The following SLC44A5 variants were observed in gnomAD, a reference collection of about 807,000 sequenced individuals.
SLC44A5 encodes solute carrier family 44 member 5, also known as choline transporter-like protein 5.
Under a neutral mutation model 101.8 loss-of-function variants are expected in SLC44A5, and 57 were observed. The observed-to-expected ratio is 0.56, with a 90% CI of 0.45 to 0.70. The LOEUF is 0.70. SLC44A5 is among the 30% of genes least tolerant of loss of function. The pLI is 0.00. For missense variants in SLC44A5, 737 were observed against 853.1 expected (o/e 0.86, Z 1.70); for synonymous variants, 281 against 290.9 (o/e 0.97, Z 0.35).
At chr1:75,262,742 C>T (rs1650637207) in intron 6 of SLC44A5, among the ~76,000 whole-genome samples, 1 of 152,108 alleles carries the variant, frequency 6.6e-6, no homozygotes, top group Non-Finnish European at 1.5e-5. Flanking sequence ...TACTACAAGG[C>T]TACAGTAATA....
chr1:75,328,863 G>C (rs1656809478), intron 4 of SLC44A5, among the ~76,000 whole-genome samples: 1 of 152,102 alleles, frequency 6.6e-6, no homozygotes, highest in South Asian at 2.1e-4. Flanking sequence ...GCATGAAAAA[G>C]CTCCACCCTG....
At chr1:75,552,785 G>A (rs531756006) in intron 1 of SLC44A5, among the ~76,000 whole-genome samples, 1 of 152,132 alleles carries the variant, frequency 6.6e-6, no homozygotes, top group African/African-American at 2.4e-5. Context: ...CAGTACCTAA[G>A]AGAAGCTCTT....
At chr1:75,593,081 C>T (rs1478990820) in intron 1 of SLC44A5, among the ~76,000 whole-genome samples, 1 of 152,034 alleles carries the variant, frequency 6.6e-6, no homozygotes, top group Non-Finnish European at 1.5e-5. Flanking sequence ...AAAATATTTG[C>T]AAGCTACCCC....
intron 13 of SLC44A5, among the ~76,000 whole-genome samples, chr1:75,223,983 T>C (rs753414326): frequency 1.3e-5 from 2 of 152,216 alleles, no homozygotes; most frequent in Non-Finnish European, 1.5e-5. Context: ...AAACCCTCTA[T>C]ATCTAACTTC....
intron 3 of SLC44A5, among the ~76,000 whole-genome samples, chr1:75,374,572 C>T (rs754290424): frequency 1.3e-5 from 2 of 152,150 alleles, no homozygotes; most frequent in Non-Finnish European, 2.9e-5. Context: ...CATTCCCCTC[C>T]CCAGGGCACC....
the SLC44A5 span, among the ~76,000 whole-genome samples, chr1:75,717,977 A>G: frequency 6.6e-6 from 1 of 152,220 alleles, no homozygotes; most frequent in Admixed American, 6.5e-5. Context: ...TGGGAACACA[A>G]AGTGTTTTTC....
chr1:75,280,460 TATATATAATATATAA>T (rs1652430182), intron 5 of SLC44A5, among the ~76,000 whole-genome samples: 1 of 112,772 alleles, frequency 8.9e-6, no homozygotes, highest in Non-Finnish European at 1.7e-5. Flanking sequence ...TTATATATAG[TATATATAATATATAA>T]TTGTATATAT....
In SLC44A5 at chr1:75,311,186, G is replaced by A. The variant is rs149737777; in HGVS notation, c.102-10501C>T. 5.0e-3 allele frequency among the ~76,000 whole-genome samples: 760 copies of A among 151,252 alleles called. 5 individuals are homozygous for A. The highest frequency in any genetic ancestry group is 0.018 in the African/African-American group (725 of 41,170). ...AGTTGGAGTGCATTGGCACGATCTC[G>A]GCTCACTGCAACCTCCGTTTCCCAG... is the stretch of plus-strand genomic sequence containing the variant. On this transcript the variant is annotated intron_variant, in intron 4 of 23. Coordinates refer to ENST00000370859, the MANE Select transcript of SLC44A5 (RefSeq NM_001130058.2).
chr1:75,457,197 G>A (rs1393963379), intron 2 of SLC44A5, among the ~76,000 whole-genome samples: 1 of 152,120 alleles, frequency 6.6e-6, no homozygotes, highest in African/African-American at 2.4e-5. Flanking sequence ...TAATAAAAAT[G>A]TTTCTTTTAA....
At chr1:75,253,164 T>G (rs534269983) in intron 6 of SLC44A5, among the ~76,000 whole-genome samples, 2 of 152,314 alleles carry the variant, frequency 1.3e-5, no homozygotes, top group African/African-American at 4.8e-5. Context: ...ATCATCCCTT[T>G]TCTTCTCTTT....
At chr1:75,345,858 G>C (rs1658215240) in intron 3 of SLC44A5, among the ~76,000 whole-genome samples, 1 of 152,132 alleles carries the variant, frequency 6.6e-6, no homozygotes, top group Non-Finnish European at 1.5e-5. Context: ...TGATGCAGAG[G>C]AAATAAGAAA....
At chr1:75,669,003 CAAA>C in the SLC44A5 span, among the ~76,000 whole-genome samples, 240 of 151,384 alleles carry the variant, frequency 1.6e-3, 16 homozygotes, top group African/African-American at 5.7e-3. Flanking sequence ...AAGACTCCAA[CAAA>C]AGAAGAAGTG....
intron 6 of SLC44A5, among the ~76,000 whole-genome samples, chr1:75,260,994 A>G (rs1168451670): frequency 7.9e-5 from 12 of 152,264 alleles, no homozygotes; most frequent in Non-Finnish European, 1.6e-4. Flanking sequence ...AAGACACACC[A>G]TACCAGAATC....
chr1:75,653,877 T>G, the SLC44A5 span, among the ~76,000 whole-genome samples: 2 of 152,190 alleles, frequency 1.3e-5, no homozygotes, highest in Admixed American at 6.5e-5. Context: ...CAGGACAGAT[T>G]GGAACAAATG....
At chr1:75,679,627 A>G in the SLC44A5 span, among the ~76,000 whole-genome samples, 1 of 152,160 alleles carries the variant, frequency 6.6e-6, no homozygotes. Context: ...AAACATGGAA[A>G]GGAACAACTG....
chr1:75,369,179 AT>A (rs887315452), intron 3 of SLC44A5, among the ~76,000 whole-genome samples: 136 of 146,636 alleles, frequency 9.3e-4, no homozygotes, highest in African/African-American at 2.1e-3. Flanking sequence ...ACACTTGGCT[AT>A]TTTTTTTTTT....
intron 2 of SLC44A5, among the ~76,000 whole-genome samples, chr1:75,518,471 T>G (rs2101889161): frequency 1.3e-5 from 2 of 152,288 alleles, no homozygotes; most frequent in South Asian, 4.1e-4. Context: ...CCGTAAGCTG[T>G]TTGTCTTGTG....
chr1:75,482,438 T>TA lies in SLC44A5; in HGVS notation c.13+58996dup, dbSNP rs907013782. Among the ~76,000 whole-genome samples the TA allele has an allele frequency of 4.3e-3, 655 of 150,644 alleles. 5 individuals are homozygous for TA. Among genetic ancestry groups the TA allele is most frequent in the African/African-American group, 0.015 (603 of 41,124 alleles). Reference sequence around the variant, plus strand: ...AGTATAATAATAATAAAATAAAAAATAAAAAAAAAGAATTCTACCTATTAA... The same window carrying TA: ...AGTATAATAATAATAAAATAAAAAATAAAAAAAAAAGAATTCTACCTATTAA... On this transcript the variant is annotated intron_variant, in intron 2 of 23. Coordinates refer to ENST00000370859, the MANE Select transcript of SLC44A5 (RefSeq NM_001130058.2).
At chr1:75,568,873 T>C (rs1270821177) in intron 1 of SLC44A5, among the ~76,000 whole-genome samples, 3 of 152,228 alleles carry the variant, frequency 2.0e-5, no homozygotes, top group Non-Finnish European at 4.4e-5. Flanking sequence ...AAATTCCTGA[T>C]TATATGAATC....
Sources: gnomAD v4.1 joint callset for allele counts (sites outside exome capture counted in the v4.1 genomes callset) on GRCh38, gnomAD v4.1.1 for gene constraint, MANE v1.5 for transcripts, NCBI Gene and HGNC (gene_info 2026-07-23, HGNC 2026-07-21) for gene names.